The following KIF26B variants were observed in gnomAD, a reference collection of about 807,000 sequenced individuals.
KIF26B encodes the protein kinesin family member 26B, also known as kinesin-like protein KIF26B.
A neutral mutation model predicts 151.2 loss-of-function variants in KIF26B; 63 were observed. That is an observed-to-expected ratio of 0.42 (90% CI 0.34 to 0.51). KIF26B has a LOEUF of 0.51. Among genes scored for constraint, KIF26B ranks in the 20% least tolerant of loss-of-function variants. KIF26B has a pLI of 0.07. For synonymous variants in KIF26B, 1,357 were observed against 1,262.1 expected (o/e 1.08, Z -1.59); for missense variants, 2,813 against 2,913.6 (o/e 0.97, Z 0.79).
chr1:245,230,742 T>TA (rs376607095), intron 2 of KIF26B, among the ~76,000 whole-genome samples: 2,605 of 130,094 alleles, frequency 0.02, 22 homozygotes, highest in Middle Eastern at 0.057. Flanking sequence ...AAACTTCATG[T>TA]AAAAAAAAAA....
chr1:245,209,906 T>A (rs1400467980), intron 2 of KIF26B, among the ~76,000 whole-genome samples: 3 of 152,226 alleles, frequency 2.0e-5, no homozygotes, highest in Non-Finnish European at 4.4e-5. Flanking sequence ...GGCATTTGCT[T>A]ACTGGAAACT....
At chr1:245,672,538 G>A (rs565164076) in intron 10 of KIF26B, among the ~76,000 whole-genome samples, 5 of 152,300 alleles carry the variant, frequency 3.3e-5, no homozygotes, top group East Asian at 1.9e-4. Flanking sequence ...AACACAAGGC[G>A]TGCCCACTGA....
chr1:245,214,562 C>T (rs905333905), intron 2 of KIF26B, among the ~76,000 whole-genome samples: 23 of 152,068 alleles, frequency 1.5e-4, no homozygotes, highest in African/African-American at 5.3e-4. Context: ...CTGAAGAGCC[C>T]AGCCTCAAGC....
intron 10 of KIF26B, among the ~76,000 whole-genome samples, chr1:245,647,441 AAAGAAAAAAAAG>A: frequency 1.3e-5 from 2 of 149,746 alleles, no homozygotes; most frequent in African/African-American, 5.0e-5. Flanking sequence ...AAAAAAAAAA[AAAGAAAAAAAAG>A]AAAATTTATT....
At chr1:245,228,696 T>C (rs1355390338) in intron 2 of KIF26B, among the ~76,000 whole-genome samples, 1 of 152,178 alleles carries the variant, frequency 6.6e-6, no homozygotes, top group African/African-American at 2.4e-5. Context: ...CACTTAGTAA[T>C]TTACATGTAT....
At position 245,607,729 on chromosome 1, in the gene KIF26B, G is replaced by C. The variant is rs1334249011; in HGVS notation, c.1636G>C (p.Gly546Arg). The change falls in exon 7 of 15, where the codon GGC becomes CGC. Residue 546 changes from glycine (G) to arginine (R), a missense_variant. Transcript: ENST00000407071. ...NGADGCVFCF[G>R]HAKLGKSYTM... The stretch of plus-strand genomic sequence containing the variant: ...GGCAGATGGCTGCGTGTTCTGTTTC[G>C]GCCACGCCAAACTGGGTTCGTGAGA... 6.2e-7 allele frequency: 1 copy of C among 1,612,094 alleles called. No homozygotes were observed. The highest frequency in any genetic ancestry group is 1.3e-5 in the African/African-American group (1 of 74,878).
chr1:245,326,731 G>C (rs149982627), intron 2 of KIF26B, among the ~76,000 whole-genome samples: 4 of 152,170 alleles, frequency 2.6e-5, no homozygotes, highest in Non-Finnish European at 2.9e-5. Context: ...TTTGGTTTCC[G>C]CAGACTTAGC....
intron 4 of KIF26B, among the ~76,000 whole-genome samples, chr1:245,539,936 A>G (rs1308698342): frequency 1.3e-5 from 2 of 152,144 alleles, no homozygotes; most frequent in East Asian, 1.9e-4. Context: ...TACAGGTGTG[A>G]GCCACCGTGC....
At chr1:245,645,184 T>G (rs888571246) in intron 9 of KIF26B, among the ~76,000 whole-genome samples, 15 of 150,950 alleles carry the variant, frequency 9.9e-5, no homozygotes, top group Non-Finnish European at 1.5e-4. Context: ...AGATCACACT[T>G]CAACACGACG....
At chr1:245,383,054 C>CAGAG (rs557079114) in intron 3 of KIF26B, among the ~76,000 whole-genome samples, 9 of 141,506 alleles carry the variant, frequency 6.4e-5, no homozygotes, top group African/African-American at 2.4e-4. Flanking sequence ...TATATATATA[C>CAGAG]AGAGAGAGAG....
chr1:245,272,843 C>G (rs1342550572), intron 2 of KIF26B, among the ~76,000 whole-genome samples: 1 of 152,080 alleles, frequency 6.6e-6, no homozygotes, highest in South Asian at 2.1e-4. Context: ...TTTTCTTCTG[C>G]TATTGATTTT....
chr1:245,214,664 C>A (rs947950544), intron 2 of KIF26B, among the ~76,000 whole-genome samples: 1 of 152,036 alleles, frequency 6.6e-6, no homozygotes, highest in Non-Finnish European at 1.5e-5. Flanking sequence ...CATGGTGAAA[C>A]CCCGTCTCTA....
intron 4 of KIF26B, among the ~76,000 whole-genome samples, chr1:245,457,937 G>C (rs1193483729): frequency 6.6e-6 from 1 of 152,120 alleles, no homozygotes; most frequent in South Asian, 2.1e-4. Context: ...CATAGGTATG[G>C]ATCTCCTTCT....
intron 2 of KIF26B, among the ~76,000 whole-genome samples, chr1:245,255,184 C>T (rs1405646065): frequency 6.6e-6 from 1 of 152,198 alleles, no homozygotes; most frequent in East Asian, 1.9e-4. Flanking sequence ...AGACCCTCAC[C>T]AGATGTTGGC....
At chr1:245,343,460 G>A (rs1672377945) in intron 2 of KIF26B, among the ~76,000 whole-genome samples, 1 of 151,792 alleles carries the variant, frequency 6.6e-6, no homozygotes, top group Admixed American at 6.6e-5. Flanking sequence ...ATACACTCAG[G>A]TCTGTGTTCA....
chr1:245,599,690 T>A (rs1347886517), intron 5 of KIF26B, among the ~76,000 whole-genome samples: 1 of 152,194 alleles, frequency 6.6e-6, no homozygotes, highest in Non-Finnish European at 1.5e-5. Flanking sequence ...GGAGATTTGC[T>A]TACAGAAAGC....
chr1:245,211,434 G>A (rs914780671), intron 2 of KIF26B, among the ~76,000 whole-genome samples: 4 of 152,190 alleles, frequency 2.6e-5, no homozygotes, highest in African/African-American at 4.8e-5. Flanking sequence ...GGGTCTCACT[G>A]TGTTGCCCAG....
chr1:245,547,017 C>G (rs975115897), intron 5 of KIF26B, among the ~76,000 whole-genome samples: 1 of 152,210 alleles, frequency 6.6e-6, no homozygotes, highest in African/African-American at 2.4e-5. Flanking sequence ...TTTTTTCCCA[C>G]GGATGTAGAT....
At chr1:245,571,799 C>G (rs1326689785) in intron 5 of KIF26B, among the ~76,000 whole-genome samples, 3 of 152,164 alleles carry the variant, frequency 2.0e-5, no homozygotes, top group Non-Finnish European at 4.4e-5. Context: ...CTAGTTCACG[C>G]CCTGTAAGGA....
Sources: allele counts gnomAD v4.1 joint callset (sites outside exome capture counted in the v4.1 genomes callset), GRCh38; gene constraint gnomAD v4.1.1; transcripts MANE v1.5; gene names NCBI Gene and HGNC (gene_info 2026-07-23, HGNC 2026-07-21).